The following P4HA1 variants were observed in gnomAD, a reference collection of about 807,000 sequenced individuals.
The protein encoded by P4HA1 is prolyl 4-hydroxylase subunit alpha-1.
In P4HA1, 24 loss-of-function variants were observed where a neutral mutation model predicts 72.8. That is an observed-to-expected ratio of 0.33 (90% CI 0.24 to 0.46). P4HA1 has a LOEUF of 0.46. Among genes scored for constraint, P4HA1 ranks in the 20% least tolerant of loss-of-function variants. P4HA1 has a pLI of 1.00. For synonymous variants in P4HA1, 201 were observed against 218.8 expected (o/e 0.92, Z 0.72); for missense variants, 446 against 640.6 (o/e 0.70, Z 3.28).
chr10:73,055,775 C>T (rs897923168), intron 5 of P4HA1, among the ~76,000 whole-genome samples: 1 of 152,190 alleles, frequency 6.6e-6, no homozygotes, highest in Non-Finnish European at 1.5e-5. Flanking sequence ...AAAACCACCA[C>T]AAATAAAAAT....
At chr10:73,063,946 AAAG>A (rs764930987) in intron 5 of P4HA1, among the ~76,000 whole-genome samples, 25 of 151,936 alleles carry the variant, frequency 1.6e-4, no homozygotes, top group Non-Finnish European at 1.9e-4. Flanking sequence ...GCAAGAAAAC[AAAG>A]AAGAAAATGA....
intron 5 of P4HA1, among the ~76,000 whole-genome samples, chr10:73,065,693 T>C (rs1841404278): frequency 6.6e-6 from 1 of 152,106 alleles, no homozygotes; most frequent in South Asian, 2.1e-4. Flanking sequence ...ATCTGGTAAG[T>C]ATGATGAAAA....
chr10:73,036,727 AG>A (rs1213063668), intron 9 of P4HA1, among the ~76,000 whole-genome samples: 1 of 152,144 alleles, frequency 6.6e-6, no homozygotes, highest in Non-Finnish European at 1.5e-5. Context: ...CCTTAGTTTA[AG>A]AACTATCTTC....
At chr10:73,010,478 T>A (rs1409511492) in intron 13 of P4HA1, among the ~76,000 whole-genome samples, 1 of 152,126 alleles carries the variant, frequency 6.6e-6, no homozygotes, top group Non-Finnish European at 1.5e-5. Flanking sequence ...GAAAACACAA[T>A]GCAGAACCCA....
At chr10:73,029,107 T>A (rs1044126217) in intron 10 of P4HA1, among the ~76,000 whole-genome samples, 4 of 151,858 alleles carry the variant, frequency 2.6e-5, no homozygotes, top group African/African-American at 9.7e-5. Context: ...TGACTGCATC[T>A]GTCTTAGAAT....
chr10:73,076,757 C>T (rs1310434523), intron 1 of P4HA1, among the ~76,000 whole-genome samples: 1 of 152,090 alleles, frequency 6.6e-6, no homozygotes, highest in Non-Finnish European at 1.5e-5. Flanking sequence ...AGTTACATTA[C>T]AGTATAGTTT....
intron 5 of P4HA1, among the ~76,000 whole-genome samples, chr10:73,061,401 T>TC (rs533403183): frequency 1.3e-3 from 200 of 151,620 alleles, no homozygotes; most frequent in African/African-American, 4.5e-3. Context: ...TGACTAGGTT[T>TC]CCCCAGCTAA....
chr10:73,092,129 T>C (rs1842043048), intron 1 of P4HA1, among the ~76,000 whole-genome samples: 1 of 152,178 alleles, frequency 6.6e-6, no homozygotes, highest in South Asian at 2.1e-4. Flanking sequence ...AGACCATGTA[T>C]ACTAGAACAG....
chr10:73,029,721 A>G (rs564100059), intron 10 of P4HA1, among the ~76,000 whole-genome samples: 1 of 151,968 alleles, frequency 6.6e-6, no homozygotes, highest in East Asian at 1.9e-4. Context: ...TAACATTCCT[A>G]TATATACCTG....
At chr10:73,077,040 G>A (rs1841713011) in intron 1 of P4HA1, among the ~76,000 whole-genome samples, 1 of 152,180 alleles carries the variant, frequency 6.6e-6, no homozygotes, top group African/African-American at 2.4e-5. Flanking sequence ...GAACCACACA[G>A]TAAGGAAATA....
intron 1 of P4HA1, among the ~76,000 whole-genome samples, chr10:73,096,537 G>A (rs1415388202): frequency 6.6e-6 from 1 of 152,230 alleles, no homozygotes; most frequent in East Asian, 1.9e-4. Flanking sequence ...GCGCACTAGG[G>A]ACAGAGGTGG....
intron 12 of P4HA1, among the ~76,000 whole-genome samples, chr10:73,012,398 A>G (rs1168900347): frequency 2.6e-5 from 4 of 152,130 alleles, no homozygotes. Flanking sequence ...AACCTCTAAG[A>G]CTCACCTCTA....
intron 9 of P4HA1, among the ~76,000 whole-genome samples, chr10:73,036,018 G>A (rs1317499715): frequency 1.3e-5 from 2 of 151,930 alleles, no homozygotes; most frequent in East Asian, 3.9e-4. Flanking sequence ...GTGAAACCCC[G>A]CCTCCACTAA....
intron 12 of P4HA1, among the ~76,000 whole-genome samples, chr10:73,011,271 G>A (rs1343771454): frequency 1.3e-5 from 2 of 152,286 alleles, no homozygotes; most frequent in African/African-American, 2.4e-5. Context: ...CTATCAGGAT[G>A]GAAGACTGGG....
At chr10:73,058,302 C>T (rs1311366324) in intron 5 of P4HA1, among the ~76,000 whole-genome samples, 2 of 152,016 alleles carry the variant, frequency 1.3e-5, no homozygotes, top group Admixed American at 1.3e-4. Flanking sequence ...CTACCATGTT[C>T]ACTTTTGATT....
Position 73,056,414 on chromosome 10 carries a change from C to G in P4HA1, c.464-2824G>C, listed in dbSNP as rs149769037. 5.3e-4 allele frequency among the ~76,000 whole-genome samples: 80 copies of G among 150,830 alleles called. 1 individual carries two copies. Among genetic ancestry groups the G allele is most frequent in the African/African-American group, 1.7e-3 (69 of 41,092 alleles). On this transcript the variant is annotated intron_variant, in intron 5 of 14. Transcript: ENST00000394890. ...TGGGAGGCCGAGGCAGGCGGATCAC[C>G]TGAGGTCGGAAATTCGAGACCAGCC...
rs114311400 is a variant in P4HA1 at position 73,011,456 on chromosome 10, T to A, written c.1369-419A>T. 1.2e-3 allele frequency among the ~76,000 whole-genome samples: 184 copies of A among 152,264 alleles called. 1 individual carries two copies. Among genetic ancestry groups the A allele is most frequent in the African/African-American group, 4.3e-3 (178 of 41,570 alleles). On this transcript the variant is annotated intron_variant, in intron 12 of 14. Transcript: ENST00000394890. ...TGCTGATCATTAATGTCTAGAACAA[T>A]AGTACCTCAAGAACAGTAGGTGCTC...
At chr10:73,050,757 G>A (rs1358527373) in intron 7 of P4HA1, among the ~76,000 whole-genome samples, 1 of 151,802 alleles carries the variant, frequency 6.6e-6, no homozygotes, top group East Asian at 1.9e-4. Context: ...CCAGGCTGGA[G>A]TGCAGTGGTG....
intron 1 of P4HA1, among the ~76,000 whole-genome samples, chr10:73,095,127 G>C (rs182436432): frequency 2.7e-5 from 4 of 147,708 alleles, no homozygotes; most frequent in Admixed American, 2.1e-4. Flanking sequence ...AACTGACTAT[G>C]AATTTTATTA....
Sources: gnomAD v4.1 joint callset for allele counts (sites outside exome capture counted in the v4.1 genomes callset) on GRCh38, gnomAD v4.1.1 for gene constraint, MANE v1.5 for transcripts, NCBI Gene and HGNC (gene_info 2026-07-23, HGNC 2026-07-21) for gene names.